PGR: variants seen among roughly 807,000 people sequenced by gnomAD.
The protein encoded by PGR is nuclear receptor subfamily 3 group C member 3.
A neutral mutation model predicts 76.1 loss-of-function variants in PGR; 25 were observed. That is an observed-to-expected ratio of 0.33 (90% CI 0.24 to 0.46). The LOEUF is 0.46. Ranked by LOEUF, PGR falls within the 20% of genes least tolerant of loss-of-function variation. The pLI is 1.00. For synonymous variants in PGR, 579 were observed against 535.0 expected (o/e 1.08, Z -1.14); for missense variants, 1,172 against 1,225.3 (o/e 0.96, Z 0.65).
intron 4 of PGR, 115 bp downstream of exon 4, chr11:101,062,332 A>AT (rs1860531758): frequency 5.0e-6 from 4 of 797,426 alleles, no homozygotes; most frequent in Non-Finnish European, 8.4e-6. Flanking sequence ...ATACTATCAC[A>AT]TACTGTTTTA....
chr11:101,121,523 A>T (rs1210532462), intron 2 of PGR, among the ~76,000 whole-genome samples: 1 of 152,246 alleles, frequency 6.6e-6, no homozygotes, highest in African/African-American at 2.4e-5. Context: ...CACTTTATTC[A>T]TAAAAGTATT....
Position 101,030,147 on chromosome 11 carries a change from A to C in PGR, c.*8969T>G. 1 of 219,774 alleles carries C rather than the reference A, an allele frequency of 4.6e-6. No homozygotes were observed. The highest frequency in any genetic ancestry group is 2.2e-5 in the African/African-American group (1 of 44,690). 13.6% of individuals were successfully genotyped at this position (219,774 alleles called of 1,614,324 possible). Reference sequence around the variant, plus strand: ...TACTTAGGGACCTACTACTTACTCAAAATAGGGTAGTAGCATTAATAACTA... The same window carrying C: ...TACTTAGGGACCTACTACTTACTCACAATAGGGTAGTAGCATTAATAACTA... On this transcript the variant is annotated 3_prime_UTR_variant, in exon 8 of 8. Coordinates refer to ENST00000325455, the MANE Select transcript of PGR (RefSeq NM_000926.4).
intron 2 of PGR, among the ~76,000 whole-genome samples, chr11:101,094,488 T>G (rs1157057278): frequency 6.6e-6 from 1 of 152,210 alleles, no homozygotes; most frequent in Non-Finnish European, 1.5e-5. Flanking sequence ...CTCCTCTTAC[T>G]TTGCTTATTC....
chr11:101,074,322 T>C (rs1234493271), intron 3 of PGR, among the ~76,000 whole-genome samples: 2 of 152,178 alleles, frequency 1.3e-5, no homozygotes, highest in African/African-American at 2.4e-5. Context: ...TGATGGACCG[T>C]ATCTCAAAAT....
intron 3 of PGR, among the ~76,000 whole-genome samples, chr11:101,075,332 A>T (rs1861086260): frequency 6.6e-6 from 1 of 152,216 alleles, no homozygotes; most frequent in African/African-American, 2.4e-5. Flanking sequence ...AGATAGATCA[A>T]AGACTTAAAT....
In PGR at chr11:101,033,670, C is replaced by G; in HGVS notation, c.*5446G>C. On this transcript the variant is annotated 3_prime_UTR_variant, in exon 8 of 8. Transcript: ENST00000325455. ...AGAAGTACAGTTTGGTGGATAGATA[C>G]TTCAAGGTATAGACTTTTCTGGGGG... is the stretch of plus-strand genomic sequence containing the variant. 5.0e-6 allele frequency: 1 copy of G among 201,918 alleles called. No homozygotes were observed. Among genetic ancestry groups the G allele is most frequent in the East Asian group, 7.7e-5 (1 of 12,974 alleles). The allele number at this position is 201,918 out of a possible 1,614,324, so 12.5% of individuals were successfully genotyped here.
intron 4 of PGR, among the ~76,000 whole-genome samples, chr11:101,061,799 A>G (rs1860508767): frequency 6.6e-6 from 1 of 152,120 alleles, no homozygotes; most frequent in African/African-American, 2.4e-5. Flanking sequence ...GCTCCTACAG[A>G]GCTGTGCTGA....
intron 2 of PGR, among the ~76,000 whole-genome samples, chr11:101,116,592 T>C (rs1037639046): frequency 2.6e-5 from 4 of 151,920 alleles, no homozygotes; most frequent in Non-Finnish European, 4.4e-5. Context: ...ATAAAAAAAT[T>C]AGCTGGGCAT....
chr11:101,036,621 G>T lies in PGR; in HGVS notation c.*2495C>A, dbSNP rs191208197. The T allele has an allele frequency of 3.1e-5, 6 of 196,530 alleles. No individual in the cohort carries two copies. Among genetic ancestry groups the T allele is most frequent in the Non-Finnish European group, 4.2e-5 (4 of 94,708 alleles). 12.2% of individuals were successfully genotyped at this position (196,530 alleles called of 1,614,324 possible). A position where few individuals can be genotyped will look rare whatever the true frequency, so the allele number is the denominator to read the frequency against. ...AATTAGGTATTTTCCATTTGGTGAA[G>T]CCATATTCTTTTTAAAAAGGTACTT... On this transcript the variant is annotated 3_prime_UTR_variant, in exon 8 of 8. Transcript: ENST00000325455.
intron 2 of PGR, among the ~76,000 whole-genome samples, chr11:101,103,547 A>G (rs613120): frequency 0.47 from 71,106 of 151,886 alleles, 16,938 homozygotes; most frequent in African/African-American, 0.5. Flanking sequence ...TACTTCGGTA[A>G]AGACTGGGCA....
chr11:101,046,874 C>T (rs1859905347), intron 6 of PGR, among the ~76,000 whole-genome samples: 2 of 152,010 alleles, frequency 1.3e-5, no homozygotes, highest in Admixed American at 6.6e-5. Context: ...TATCTCTTCT[C>T]CCATGCTGTA....
intron 6 of PGR, among the ~76,000 whole-genome samples, chr11:101,048,473 C>A (rs1331286756): frequency 6.6e-6 from 1 of 152,056 alleles, no homozygotes; most frequent in Non-Finnish European, 1.5e-5. Context: ...CTACTATACA[C>A]CTAGGCCTTA....
At position 101,099,521 on chromosome 11, in the gene PGR, C is replaced by T. The variant is rs574124960; in HGVS notation, c.1790-7645G>A. ...CTGATAAGCTCTACATCTTTGAGTG[C>T]TTTTCTGAAAATATTTATCAATAAA... On this transcript the variant is annotated intron_variant, in intron 2 of 7. Coordinates refer to ENST00000325455, the MANE Select transcript of PGR (RefSeq NM_000926.4). Among the ~76,000 whole-genome samples the T allele has an allele frequency of 7.9e-5, 12 of 152,194 alleles. No homozygotes were observed. In the East Asian group the frequency reaches 2.1e-3, roughly 27 times the overall value.
intron 3 of PGR, among the ~76,000 whole-genome samples, chr11:101,069,447 T>C (rs1360730307): frequency 6.6e-6 from 1 of 152,198 alleles, no homozygotes; most frequent in African/African-American, 2.4e-5. Context: ...TAGAAGACAG[T>C]GTGATGATTC....
intron 3 of PGR, among the ~76,000 whole-genome samples, chr11:101,080,523 G>T (rs1262215760): frequency 6.6e-6 from 1 of 151,810 alleles, no homozygotes; most frequent in Non-Finnish European, 1.5e-5. Flanking sequence ...AATTTGAAGT[G>T]CCAATGTCTC....
chr11:101,073,996 A>G (rs1861034984), intron 3 of PGR, among the ~76,000 whole-genome samples: 1 of 152,062 alleles, frequency 6.6e-6, no homozygotes, highest in Non-Finnish European at 1.5e-5. Context: ...TATCATCCTG[A>G]CACCAAAACC....
At chr11:101,091,257 T>C (rs1024453309) in intron 3 of PGR, among the ~76,000 whole-genome samples, 3 of 152,244 alleles carry the variant, frequency 2.0e-5, no homozygotes, top group Admixed American at 6.5e-5. Context: ...ATTATTAATA[T>C]AACTCTTCAT....
intron 2 of PGR, among the ~76,000 whole-genome samples, chr11:101,113,256 C>T (rs1467312277): frequency 6.6e-6 from 1 of 151,980 alleles, no homozygotes; most frequent in African/African-American, 2.4e-5. Context: ...ACTGTACCTT[C>T]TGCTAAATAT....
intron 3 of PGR, among the ~76,000 whole-genome samples, chr11:101,065,574 T>C (rs1003187440): frequency 6.6e-6 from 1 of 152,188 alleles, no homozygotes; most frequent in Non-Finnish European, 1.5e-5. Context: ...GTACTCTGAA[T>C]TCAGTGACAG....
Sources: gnomAD v4.1 joint callset for allele counts (sites outside exome capture counted in the v4.1 genomes callset) on GRCh38, gnomAD v4.1.1 for gene constraint, MANE v1.5 for transcripts, NCBI Gene and HGNC (gene_info 2026-07-23, HGNC 2026-07-21) for gene names.